Variants in CBFA2T2 observed in about 807,000 individuals in gnomAD.
CBFA2T2 encodes the protein protein CBFA2T2.
Under a neutral mutation model 62.2 loss-of-function variants are expected in CBFA2T2, and 11 were observed. That is an observed-to-expected ratio of 0.18 (90% CI 0.11 to 0.29). The LOEUF (loss-of-function observed/expected upper bound fraction) is 0.29. CBFA2T2 is among the 10% of genes least tolerant of loss of function. CBFA2T2 has a pLI of 1.00. For synonymous variants in CBFA2T2, 295 were observed against 287.5 expected (o/e 1.03, Z -0.27); for missense variants, 592 against 774.1 (o/e 0.76, Z 2.79).
Position 33,585,923 on chromosome 20 carries a change from T to G in CBFA2T2, c.35-21033T>G, listed in dbSNP as rs77962941. On this transcript the variant is annotated intron_variant, in intron 1 of 10. Transcript: ENST00000342704. ...TGTGGGGAAATTTATATTAAAACCT[T>G]AGCCGTGGTAAATTGAAAGTTAACT... 5.9e-3 allele frequency among the ~76,000 whole-genome samples: 896 copies of G among 152,348 alleles called. 8 individuals carry two copies. The highest frequency in any genetic ancestry group is 0.021 in the African/African-American group (860 of 41,580).
chr20:33,640,576 A>G, intron 10 of CBFA2T2, 45 bp downstream of exon 10: 1 of 1,564,924 alleles, frequency 6.4e-7, no homozygotes, highest in Non-Finnish European at 8.8e-7. Flanking sequence ...AGCTGGAGTG[A>G]CCACGCCCGC....
At chr20:33,517,536 G>T (rs922040852) in intron 1 of CBFA2T2, among the ~76,000 whole-genome samples, 1 of 148,356 alleles carries the variant, frequency 6.7e-6, no homozygotes, top group African/African-American at 2.5e-5. Context: ...TGCAATCTCC[G>T]GCTCAATCAC....
chr20:33,498,183 G>A (rs996719957), intron 1 of CBFA2T2, among the ~76,000 whole-genome samples: 1 of 151,790 alleles, frequency 6.6e-6, no homozygotes, highest in Non-Finnish European at 1.5e-5. Context: ...CACCTGCCTT[G>A]GCCTCCCAAC....
intron 8 of CBFA2T2, 112 bp from the exon 9 acceptor site, chr20:33,636,528 A>G: frequency 1.4e-6 from 1 of 730,988 alleles, no homozygotes; most frequent in East Asian, 2.7e-5. Context: ...ATTTTTTTAT[A>G]CTAAATGAAA....
intron 1 of CBFA2T2, among the ~76,000 whole-genome samples, chr20:33,538,065 C>A (rs1185836245): frequency 6.7e-6 from 1 of 149,708 alleles, no homozygotes; most frequent in East Asian, 1.9e-4. Context: ...GGGGGAAGAG[C>A]TGACGTCTTA....
chr20:33,569,496 A>T (rs1176212021), intron 1 of CBFA2T2, among the ~76,000 whole-genome samples: 1 of 152,232 alleles, frequency 6.6e-6, no homozygotes, highest in Non-Finnish European at 1.5e-5. Context: ...AATCTCAAAC[A>T]GGTAATAAGT....
chr20:33,600,660 A>C (rs1037739952), intron 1 of CBFA2T2, among the ~76,000 whole-genome samples: 6 of 152,280 alleles, frequency 3.9e-5, no homozygotes, highest in Admixed American at 3.9e-4. Context: ...TGGAGAGCCC[A>C]TGTAGCCTTT....
intron 1 of CBFA2T2, among the ~76,000 whole-genome samples, chr20:33,532,715 GT>G (rs2012096282): frequency 6.6e-6 from 1 of 152,202 alleles, no homozygotes; most frequent in Non-Finnish European, 1.5e-5. Context: ...TGTTTCAGTT[GT>G]ATTTATCGGT....
In CBFA2T2 at chr20:33,646,505, A is replaced by G. The variant is rs1235731613; in HGVS notation, c.*1859A>G. On this transcript the variant is annotated 3_prime_UTR_variant, in exon 11 of 11. Transcript: ENST00000342704. ...ATAAAAGTTGTCAGTACCATAAAGG[A>G]AAAGGGATCCACACAGGTAGCCTTC... 1.3e-5 allele frequency: 2 copies of G among 151,734 alleles called. No homozygotes were observed. Among genetic ancestry groups the G allele is most frequent in the Admixed American group, 6.6e-5 (1 of 15,232 alleles). 9.4% of individuals were successfully genotyped at this position (151,734 alleles called of 1,614,324 possible). A position where few individuals can be genotyped will look rare whatever the true frequency, so the allele number is the denominator to read the frequency against.
intron 1 of CBFA2T2, among the ~76,000 whole-genome samples, chr20:33,493,876 T>G (rs2146840970): frequency 6.6e-6 from 1 of 152,098 alleles, no homozygotes; most frequent in Middle Eastern, 3.4e-3. Context: ...AATGTTTTAT[T>G]TTTTGTTTTT....
At chr20:33,537,359 C>CGCCT (rs530801356) in intron 1 of CBFA2T2, among the ~76,000 whole-genome samples, 166 of 152,348 alleles carry the variant, frequency 1.1e-3, no homozygotes, top group African/African-American at 4.0e-3. Context: ...TGGCAGCGCG[C>CGCCT]GCCTGCAATC....
At chr20:33,644,247 G>T in intron 10 of CBFA2T2, 100 bp from the exon 11 acceptor site, 1 of 1,353,916 alleles carries the variant, frequency 7.4e-7, no homozygotes, top group Non-Finnish European at 1.0e-6. Flanking sequence ...TCCAAAGCTG[G>T]GGTTCTCTAC....
chr20:33,548,254 A>C (rs1023700676), intron 1 of CBFA2T2, among the ~76,000 whole-genome samples: 1 of 145,556 alleles, frequency 6.9e-6, no homozygotes, highest in African/African-American at 2.5e-5. Context: ...TATTTTTTTT[A>C]TTTTTTTTTT....
intron 9 of CBFA2T2, among the ~76,000 whole-genome samples, chr20:33,638,025 A>G (rs1447601758): frequency 1.7e-5 from 2 of 116,548 alleles, no homozygotes; most frequent in African/African-American, 3.4e-5. Context: ...CTCAGGCTGG[A>G]GTGCAGTGGC....
intron 1 of CBFA2T2, among the ~76,000 whole-genome samples, chr20:33,491,970 C>T (rs566135646): frequency 5.5e-4 from 83 of 152,036 alleles, no homozygotes; most frequent in Non-Finnish European, 1.0e-3. Context: ...AACCTCCCCC[C>T]GCCCCAGGTT....
chr20:33,604,109 T>C (rs1013076061), intron 1 of CBFA2T2, among the ~76,000 whole-genome samples: 1 of 152,240 alleles, frequency 6.6e-6, no homozygotes, highest in Non-Finnish European at 1.5e-5. Context: ...GATCATTCCA[T>C]ACATTATCTC....
chr20:33,645,475 A>G lies in CBFA2T2; in HGVS notation c.*829A>G, dbSNP rs946840638. ...GCATGTTGGCCAACTAGTATCGTCAAATTATTGAGTGGATCATCTCTTGGA... is the reference window on the plus strand; with the variant it reads ...GCATGTTGGCCAACTAGTATCGTCAGATTATTGAGTGGATCATCTCTTGGA... On this transcript the variant is annotated 3_prime_UTR_variant, in exon 11 of 11. Transcript: ENST00000342704. 1 of 152,168 alleles carries G rather than the reference A, an allele frequency of 6.6e-6. No individual in the cohort carries two copies. The highest frequency in any genetic ancestry group is 2.4e-5 in the African/African-American group (1 of 41,436). The allele number at this position is 152,168 out of a possible 1,614,324, so 9.4% of individuals were successfully genotyped here.
chr20:33,630,552 G>T (rs1021951580), intron 8 of CBFA2T2, among the ~76,000 whole-genome samples: 3 of 152,132 alleles, frequency 2.0e-5, no homozygotes, highest in Admixed American at 1.3e-4. Context: ...ACCATACCAC[G>T]CTGGGTTGTT....
At chr20:33,634,836 T>C (rs1221077459) in intron 8 of CBFA2T2, among the ~76,000 whole-genome samples, 1 of 152,180 alleles carries the variant, frequency 6.6e-6, no homozygotes, top group Non-Finnish European at 1.5e-5. Flanking sequence ...TGTGCACAAT[T>C]AAGGGTGACC....
Sources: gnomAD v4.1 joint callset for allele counts (sites outside exome capture counted in the v4.1 genomes callset) on GRCh38, gnomAD v4.1.1 for gene constraint, MANE v1.5 for transcripts, NCBI Gene and HGNC (gene_info 2026-07-23, HGNC 2026-07-21) for gene names.